The following GSTCD variants were observed in gnomAD, a reference collection of about 807,000 sequenced individuals.
The protein encoded by GSTCD is glutathione S-transferase C-terminal domain containing.
Under a neutral mutation model 68.3 loss-of-function variants are expected in GSTCD, and 44 were observed. The ratio of observed to expected loss-of-function variants is 0.64; its 90% CI spans 0.51 to 0.83. GSTCD has a LOEUF of 0.83. Among genes scored for constraint, GSTCD ranks in the 40% least tolerant of loss-of-function variants. The pLI is 0.00. For missense variants in GSTCD, 739 were observed against 735.9 expected (o/e 1.00, Z -0.05); for synonymous variants, 273 against 255.2 (o/e 1.07, Z -0.67).
At position 105,717,873 on chromosome 4, in the gene GSTCD, A is replaced by AT; in HGVS notation, c.262dup (p.Cys88LeufsTer15). On this transcript the variant is annotated frameshift_variant, in exon 2 of 12. Transcript: ENST00000515279. LOFTEE classifies it high-confidence loss of function. The stretch of plus-strand genomic sequence containing the variant: ...CAGGAGCTCCCACCAATAGTCCAAA[A>AT]TTGCTGTTTGCCTGCAGTAGTAGAA... 1 of 1,614,116 alleles carries AT rather than the reference A, an allele frequency of 6.2e-7. No individual in the cohort carries two copies. The highest frequency in any genetic ancestry group is 8.5e-7 in the Non-Finnish European group (1 of 1,180,006).
intron 3 of GSTCD, among the ~76,000 whole-genome samples, chr4:105,725,842 A>G (rs1470302167): frequency 6.6e-6 from 1 of 152,136 alleles, no homozygotes; most frequent in Non-Finnish European, 1.5e-5. Flanking sequence ...AGACACTACT[A>G]TATACCCACA....
chr4:105,716,856 T>C (rs549120972), intron 1 of GSTCD, among the ~76,000 whole-genome samples: 1 of 152,132 alleles, frequency 6.6e-6, no homozygotes, highest in South Asian at 2.1e-4. Context: ...ATCAAGGAGA[T>C]TTTTGTAGGC....
At chr4:105,748,996 T>C (rs1240717418) in intron 5 of GSTCD, among the ~76,000 whole-genome samples, 2 of 152,082 alleles carry the variant, frequency 1.3e-5, no homozygotes, top group East Asian at 3.9e-4. Context: ...AGGAATATTT[T>C]ATAATAGGTT....
In GSTCD at chr4:105,729,418, G is replaced by A; in HGVS notation, c.1159G>A (p.Glu387Lys). Residue 387 changes from glutamate (E) to lysine (K), a missense_variant, in exon 5 of 12, where the codon GAA (glutamate) becomes AAA (lysine). By Grantham distance (56) the Glu-to-Lys change is moderately conservative. Coordinates refer to ENST00000515279, the MANE Select transcript of GSTCD (RefSeq NM_001370181.1). ...TTTCCTTTTCTAGGAAAAGGGCATT[G>A]AAGTGATGTTTTCTCCCCACCCTTG... is the stretch of plus-strand genomic sequence containing the variant. The part of the protein sequence containing the change: ...TMAKLMEKGI[E>K]VMFSPHPCPT... 6.2e-7 allele frequency: 1 copy of A among 1,606,912 alleles called. No homozygotes were observed. The highest frequency in any genetic ancestry group is 8.5e-7 in the Non-Finnish European group (1 of 1,174,830).
In GSTCD at chr4:105,772,321, C is replaced by T. The variant is rs759818352; in HGVS notation, c.1240+42822C>T. On this transcript the variant is annotated intron_variant, in intron 5 of 11. Transcript: ENST00000515279. Reference sequence around the variant, plus strand: ...TCATCTGCAAACAGAGATAATTTGACTTCCTCTCTTCCTATTTGAATAACC... The same window carrying T: ...TCATCTGCAAACAGAGATAATTTGATTTCCTCTCTTCCTATTTGAATAACC... Among the ~76,000 whole-genome samples, 59 of 152,182 alleles carry T rather than the reference C, an allele frequency of 3.9e-4. 1 individual carries two copies. Among genetic ancestry groups the T allele is most frequent in the Non-Finnish European group, 1.8e-4 (12 of 68,022 alleles).
intron 5 of GSTCD, among the ~76,000 whole-genome samples, chr4:105,816,923 C>T (rs934043083): frequency 1.3e-5 from 2 of 151,938 alleles, no homozygotes; most frequent in African/African-American, 4.8e-5. Flanking sequence ...ATGTCATCTA[C>T]CCTAACAACC....
intron 5 of GSTCD, among the ~76,000 whole-genome samples, chr4:105,748,263 G>GA (rs947930489): frequency 1.2e-4 from 18 of 149,856 alleles, no homozygotes; most frequent in East Asian, 7.8e-4. Context: ...TCAAGAAAAA[G>GA]AAAAAAAAAT....
At chr4:105,744,284 G>A (rs1373526159) in intron 5 of GSTCD, among the ~76,000 whole-genome samples, 2 of 152,184 alleles carry the variant, frequency 1.3e-5, no homozygotes, top group African/African-American at 4.8e-5. Context: ...ATGTCAGATT[G>A]CACACAGTGC....
intron 5 of GSTCD, among the ~76,000 whole-genome samples, chr4:105,799,111 C>A (rs919890002): frequency 2.0e-5 from 3 of 152,120 alleles, no homozygotes; most frequent in African/African-American, 7.2e-5. Context: ...CCAATCTCTG[C>A]TAGGCTCCAA....
intron 5 of GSTCD, among the ~76,000 whole-genome samples, chr4:105,776,785 C>T (rs982722058): frequency 1.3e-5 from 2 of 152,178 alleles, no homozygotes; most frequent in Non-Finnish European, 2.9e-5. Context: ...CCTATTCGGC[C>T]AGCTTGCCAG....
chr4:105,732,759 T>C (rs1050747262), intron 5 of GSTCD, among the ~76,000 whole-genome samples: 2 of 152,222 alleles, frequency 1.3e-5, no homozygotes, highest in African/African-American at 4.8e-5. Context: ...CTCTTGCTTC[T>C]CTAGTTCTTT....
intron 1 of GSTCD, 50 bp from the exon 2 acceptor site, chr4:105,717,543 T>C: frequency 8.9e-7 from 1 of 1,121,392 alleles, no homozygotes; most frequent in South Asian, 1.7e-5. Context: ...TTATTTTAGC[T>C]TCTAAATGAT....
intron 10 of GSTCD, among the ~76,000 whole-genome samples, chr4:105,839,333 A>G (rs1724245903): frequency 6.6e-6 from 1 of 152,260 alleles, no homozygotes; most frequent in Admixed American, 6.5e-5. Context: ...TCAATAAAGT[A>G]GAAAATAAAT....
At chr4:105,709,185 T>A (rs1406100430) in intron 1 of GSTCD, 169 bp downstream of exon 1, 1 of 152,326 alleles carries the variant, frequency 6.6e-6, no homozygotes, top group East Asian at 1.9e-4. Flanking sequence ...CTCAAACTCC[T>A]TTTTGGCCAC....
intron 5 of GSTCD, among the ~76,000 whole-genome samples, chr4:105,736,458 A>AT (rs1733466897): frequency 6.6e-6 from 1 of 151,964 alleles, no homozygotes; most frequent in African/African-American, 2.4e-5. Flanking sequence ...ATTTAATTAT[A>AT]TTTGTTATTT....
In GSTCD at chr4:105,775,446, T is replaced by G. The variant is rs533000304; in HGVS notation, c.1240+45947T>G. ...AAGGCATTCTGGATTTTGGAATTTATAGGCTTTTGGCACTGGTTTTTCATC... is the reference window on the plus strand; with the variant it reads ...AAGGCATTCTGGATTTTGGAATTTAGAGGCTTTTGGCACTGGTTTTTCATC... On this transcript the variant is annotated intron_variant, in intron 5 of 11. Coordinates refer to ENST00000515279, the MANE Select transcript of GSTCD (RefSeq NM_001370181.1). Among the ~76,000 whole-genome samples the G allele has an allele frequency of 2.0e-5, 3 of 152,358 alleles. No individual in the cohort carries two copies. The South Asian group carries it at 6.2e-4, about 32-fold the overall frequency.
intron 5 of GSTCD, among the ~76,000 whole-genome samples, chr4:105,749,904 C>A (rs1484587791): frequency 6.6e-6 from 1 of 151,994 alleles, no homozygotes; most frequent in African/African-American, 2.4e-5. Flanking sequence ...AAAATATTTG[C>A]AAACCACAAA....
At chr4:105,830,690 C>G (rs931429672) in intron 8 of GSTCD, among the ~76,000 whole-genome samples, 1 of 151,968 alleles carries the variant, frequency 6.6e-6, no homozygotes. Context: ...AAAAATGGAG[C>G]TGACCAATTA....
intron 4 of GSTCD, among the ~76,000 whole-genome samples, chr4:105,727,708 C>G (rs72671861): frequency 6.6e-6 from 1 of 150,960 alleles, no homozygotes; most frequent in Non-Finnish European, 1.5e-5. Flanking sequence ...AAAAAGAATG[C>G]ATATGCTTTA....
Sources: allele counts gnomAD v4.1 joint callset (sites outside exome capture counted in the v4.1 genomes callset), GRCh38; gene constraint gnomAD v4.1.1; transcripts MANE v1.5; gene names NCBI Gene and HGNC (gene_info 2026-07-23, HGNC 2026-07-21).